The following ATP8A1 variants were observed in gnomAD, a reference collection of about 807,000 sequenced individuals.
ATP8A1 encodes the protein ATPase phospholipid transporting 8A1, also known as phospholipid-transporting ATPase IA.
Under a neutral mutation model 177.7 loss-of-function variants are expected in ATP8A1, and 90 were observed. The ratio of observed to expected loss-of-function variants is 0.51; its 90% CI spans 0.43 to 0.60. The LOEUF is 0.60. ATP8A1 is among the 20% of genes least tolerant of loss of function. The pLI is 0.00. For synonymous variants in ATP8A1, 493 were observed against 485.9 expected (o/e 1.01, Z -0.19); for missense variants, 1,072 against 1,392.8 (o/e 0.77, Z 3.67).
chr4:42,495,228 T>C (rs1258582252), intron 24 of ATP8A1, among the ~76,000 whole-genome samples: 1 of 152,222 alleles, frequency 6.6e-6, no homozygotes, highest in Admixed American at 6.5e-5. Context: ...TAACGGAACA[T>C]TCTAGAAACA....
Position 42,621,705 on chromosome 4 carries a change from T to C in ATP8A1, c.363+2831A>G, listed in dbSNP as rs539172149. Among the ~76,000 whole-genome samples, 13 of 152,340 alleles carry C rather than the reference T, an allele frequency of 8.5e-5. No homozygotes were observed. The South Asian group carries it at 2.7e-3, about 32-fold the overall frequency. Reference sequence around the variant, plus strand: ...ACTACCATTCTTTACAGAATGTCAATGAATAGTTTAAAATTTAACTATTTA... The same window carrying C: ...ACTACCATTCTTTACAGAATGTCAACGAATAGTTTAAAATTTAACTATTTA... On this transcript the variant is annotated intron_variant, in intron 4 of 36. Transcript: ENST00000381668.
intron 22 of ATP8A1, among the ~76,000 whole-genome samples, chr4:42,515,629 T>C (rs768483567): frequency 3.3e-5 from 5 of 152,192 alleles, no homozygotes; most frequent in Non-Finnish European, 5.9e-5. Context: ...CACTGTCCTA[T>C]CTTAGTGCCT....
At chr4:42,589,001 C>G (rs373725923) in intron 7 of ATP8A1, among the ~76,000 whole-genome samples, 19 of 152,308 alleles carry the variant, frequency 1.2e-4, no homozygotes, top group African/African-American at 4.3e-4. Flanking sequence ...AATCAGTCAG[C>G]TAGGCCATAT....
At chr4:42,455,150 C>T (rs1718342558) in intron 29 of ATP8A1, 147 bp downstream of exon 29, 5 of 1,019,606 alleles carry the variant, frequency 4.9e-6, no homozygotes, top group Admixed American at 3.3e-5. Context: ...GTATCAGAAC[C>T]TTAAGAAATA....
chr4:42,607,322 C>T (rs867975770), intron 5 of ATP8A1, among the ~76,000 whole-genome samples: 8 of 152,048 alleles, frequency 5.3e-5, no homozygotes, highest in Non-Finnish European at 7.4e-5. Context: ...AATCAGCTCA[C>T]AACATAAAAA....
intron 14 of ATP8A1, 105 bp from the exon 15 acceptor site, chr4:42,569,310 A>G (rs1560469902): frequency 4.0e-6 from 3 of 746,834 alleles, no homozygotes; most frequent in South Asian, 2.2e-5. Context: ...GGATCACTGA[A>G]AAGTTAACAA....
chr4:42,464,962 G>C lies in ATP8A1; in HGVS notation c.2439C>G (p.His813Gln). 1 of 1,614,148 alleles carries C rather than the reference G, an allele frequency of 6.2e-7. No individual in the cohort carries two copies. Among genetic ancestry groups the C allele is most frequent in the Non-Finnish European group, 8.5e-7 (1 of 1,180,024 alleles). ...CATTGCCACTGATACCAACACCAAC[G>C]TGCGCTGTCTGTATCATGCTGACAT... ...ANDVSMIQTAHVGVGISGNEG... is the reference protein window; with the variant it reads ...ANDVSMIQTAQVGVGISGNEG... The change falls in exon 26 of 37, where the codon CAC (histidine) becomes CAG (glutamine). Residue 813 changes from histidine to glutamine, a missense_variant. Transcript: ENST00000381668.
intron 12 of ATP8A1, among the ~76,000 whole-genome samples, chr4:42,575,951 C>T (rs188823488): frequency 2.2e-4 from 34 of 152,236 alleles, no homozygotes; most frequent in African/African-American, 7.5e-4. Flanking sequence ...ATCATGCAAT[C>T]TAGGTTTACT....
At position 42,574,150 on chromosome 4, in the gene ATP8A1, T is replaced by G. The variant is rs764508277; in HGVS notation, c.1295+469A>C. 5.5e-4 allele frequency among the ~76,000 whole-genome samples: 83 copies of G among 152,280 alleles called. No individual in the cohort carries two copies. In the Middle Eastern group the frequency reaches 0.017, roughly 31 times the overall value. ...CCTCCAGATTCAAGAGTTTCATGTC[T>G]CTACCTCCTTTCCATCATCAGAATT... On this transcript the variant is annotated intron_variant, in intron 14 of 36. Transcript: ENST00000381668.
At position 42,552,626 on chromosome 4, in the gene ATP8A1, A is replaced by T; in HGVS notation, c.1414-16T>A. 6.4e-7 allele frequency: 1 copy of T among 1,571,484 alleles called. No individual in the cohort carries two copies. Among genetic ancestry groups the T allele is most frequent in the South Asian group, 1.1e-5 (1 of 89,624 alleles). ...GTGCAGTTGGCTGTGAAAAATAAAC[A>T]CATAATTTAAGCCCTTCTCATGTGA... On this transcript the variant is annotated splice_polypyrimidine_tract_variant and intron_variant, in intron 16 of 36. Coordinates refer to ENST00000381668, the MANE Select transcript of ATP8A1 (RefSeq NM_006095.2).
chr4:42,543,783 C>G, intron 20 of ATP8A1, 134 bp downstream of exon 20: 1 of 630,654 alleles, frequency 1.6e-6, no homozygotes, highest in South Asian at 2.2e-5. Context: ...AACACTATTA[C>G]TATAAAACAC....
chr4:42,512,773 A>G (rs964075112), intron 22 of ATP8A1, among the ~76,000 whole-genome samples: 4 of 152,184 alleles, frequency 2.6e-5, no homozygotes, highest in African/African-American at 9.7e-5. Flanking sequence ...CCCTACACCC[A>G]GAATTCCTCA....
At chr4:42,444,334 A>G (rs1400941356) in intron 32 of ATP8A1, among the ~76,000 whole-genome samples, 2 of 152,176 alleles carry the variant, frequency 1.3e-5, no homozygotes, top group Non-Finnish European at 2.9e-5. Context: ...AATATATGAC[A>G]ATACTTTAAA....
chr4:42,650,407 C>T (rs967920481), intron 1 of ATP8A1, among the ~76,000 whole-genome samples: 2 of 152,212 alleles, frequency 1.3e-5, no homozygotes, highest in African/African-American at 2.4e-5. Context: ...CCTCCTTCAT[C>T]GACCACAGCC....
rs1577944965 is a variant in ATP8A1, at chr4:42,444,921, C to A, written c.2959-287G>T. 3.9e-5 allele frequency among the ~76,000 whole-genome samples: 6 copies of A among 152,290 alleles called. 1 individual carries two copies. The South Asian group carries it at 1.2e-3, about 32-fold the overall frequency. The stretch of plus-strand genomic sequence containing the variant: ...CCACGAGTTCCTCTGTATGTGTTTT[C>A]TGCTTTTTGTACAATTCATGAACAG... On this transcript the variant is annotated intron_variant, in intron 31 of 36. Transcript: ENST00000381668.
At chr4:42,633,993 T>G (rs1739024380) in intron 1 of ATP8A1, among the ~76,000 whole-genome samples, 1 of 152,130 alleles carries the variant, frequency 6.6e-6, no homozygotes, top group Non-Finnish European at 1.5e-5. Context: ...AAACAGAGCA[T>G]AAAACAAAAA....
At chr4:42,449,375 C>T (rs1397277878) in intron 30 of ATP8A1, among the ~76,000 whole-genome samples, 2 of 152,128 alleles carry the variant, frequency 1.3e-5, no homozygotes, top group East Asian at 3.8e-4. Flanking sequence ...TAGTGCATGA[C>T]GGTGAAGAAT....
chr4:42,575,069 G>C (rs1160222349), intron 13 of ATP8A1, among the ~76,000 whole-genome samples: 1 of 152,192 alleles, frequency 6.6e-6, no homozygotes, highest in Non-Finnish European at 1.5e-5. Context: ...GTAACAGCTT[G>C]CGCAATTAAC....
At chr4:42,616,950 A>C (rs1051766158) in intron 4 of ATP8A1, among the ~76,000 whole-genome samples, 7 of 152,306 alleles carry the variant, frequency 4.6e-5, no homozygotes, top group African/African-American at 1.7e-4. Flanking sequence ...CTCCATTAAC[A>C]CTGCAGAAGA....
Sources: gnomAD v4.1 joint callset for allele counts (sites outside exome capture counted in the v4.1 genomes callset) on GRCh38, gnomAD v4.1.1 for gene constraint, MANE v1.5 for transcripts, NCBI Gene and HGNC (gene_info 2026-07-23, HGNC 2026-07-21) for gene names.